Variants in GULP1 observed in about 807,000 individuals in gnomAD.
The protein encoded by GULP1 is PTB domain-containing engulfment adapter protein 1.
In GULP1, 19 loss-of-function variants were observed where a neutral mutation model predicts 40.9. The observed-to-expected ratio is 0.46, with a 90% CI of 0.32 to 0.68. The LOEUF is 0.68. Ranked by LOEUF, GULP1 falls within the 30% of genes least tolerant of loss-of-function variation. The pLI is 0.03. For missense variants in GULP1, 312 were observed against 362.2 expected (o/e 0.86, Z 1.12); for synonymous variants, 119 against 117.6 (o/e 1.01, Z -0.08).
chr2:188,490,791 C>T (rs1019995688), intron 4 of GULP1, among the ~76,000 whole-genome samples: 7 of 151,836 alleles, frequency 4.6e-5, no homozygotes, highest in African/African-American at 1.5e-4. Flanking sequence ...ATGTGTTTGG[C>T]CCTAGATGAA....
intron 2 of GULP1, among the ~76,000 whole-genome samples, chr2:188,428,242 A>T (rs2056451601): frequency 6.6e-6 from 1 of 152,176 alleles, no homozygotes; most frequent in South Asian, 2.1e-4. Flanking sequence ...TCCTAGGCAG[A>T]AGGGATTTAT....
rs1257996137 is a variant in GULP1 at position 188,527,219 on chromosome 2, T to C, written c.163-1878T>C. 2.6e-5 allele frequency among the ~76,000 whole-genome samples: 4 copies of C among 152,198 alleles called. No individual in the cohort carries two copies. The South Asian group carries it at 8.3e-4, about 31-fold the overall frequency. On this transcript the variant is annotated intron_variant, in intron 5 of 11. Coordinates refer to ENST00000409830, the MANE Select transcript of GULP1 (RefSeq NM_016315.4). ...TGTAGATGTTTCAGGGGGAAAAAAT[T>C]TAAAAGGTTGCACAGTTCTTGTCAG...
intron 1 of GULP1, among the ~76,000 whole-genome samples, chr2:188,371,082 C>G (rs2047543738): frequency 6.6e-6 from 1 of 152,146 alleles, no homozygotes; most frequent in South Asian, 2.1e-4. Context: ...GCTGTATTTA[C>G]AAATCAGCTG....
chr2:188,432,975 GA>G (rs2057037559), intron 2 of GULP1, among the ~76,000 whole-genome samples: 1 of 151,944 alleles, frequency 6.6e-6, no homozygotes, highest in South Asian at 2.1e-4. Flanking sequence ...GCTTACAAAA[GA>G]AAAAAATGTA....
intron 4 of GULP1, among the ~76,000 whole-genome samples, chr2:188,507,325 G>C (rs1181822208): frequency 6.6e-6 from 1 of 151,214 alleles, no homozygotes; most frequent in East Asian, 1.9e-4. Context: ...TCCTGGGTTT[G>C]TGCAGATGTT....
Position 188,364,113 on chromosome 2 carries a change from G to A in GULP1, c.-171-19650G>A, listed in dbSNP as rs190815175. On this transcript the variant is annotated intron_variant, in intron 1 of 11. Transcript: ENST00000409830. ...TCTGTGCTTCTCAGGAGAATCATTTGCTGTAGGTAAATAATTAAATAAATC... is the reference window on the plus strand; with the variant it reads ...TCTGTGCTTCTCAGGAGAATCATTTACTGTAGGTAAATAATTAAATAAATC... Among the ~76,000 whole-genome samples, 38 of 152,240 alleles carry A rather than the reference G, an allele frequency of 2.5e-4. 1 individual carries two copies. The highest frequency in any genetic ancestry group is 3.1e-4 in the Non-Finnish European group (21 of 68,006).
At chr2:188,435,877 C>A (rs1304512233) in intron 2 of GULP1, among the ~76,000 whole-genome samples, 1 of 152,078 alleles carries the variant, frequency 6.6e-6, no homozygotes, top group Non-Finnish European at 1.5e-5. Flanking sequence ...ATGGCTCTTT[C>A]CTTCTACAAG....
chr2:188,436,727 G>A (rs1272297889), intron 2 of GULP1, among the ~76,000 whole-genome samples: 1 of 151,926 alleles, frequency 6.6e-6, no homozygotes, highest in Non-Finnish European at 1.5e-5. Flanking sequence ...TATACATATA[G>A]TTTTAAATTG....
chr2:188,518,339 T>C (rs1454043377), intron 4 of GULP1, among the ~76,000 whole-genome samples: 1 of 152,130 alleles, frequency 6.6e-6, no homozygotes, highest in Non-Finnish European at 1.5e-5. Context: ...CCTAATTCCA[T>C]GGTAAGCTCT....
chr2:188,459,908 C>T (rs1051395074), intron 2 of GULP1, among the ~76,000 whole-genome samples: 1 of 151,996 alleles, frequency 6.6e-6, no homozygotes, highest in Non-Finnish European at 1.5e-5. Context: ...CTGTCTTTTT[C>T]CCAGTGTATG....
chr2:188,552,425 G>C (rs898052970), intron 7 of GULP1, among the ~76,000 whole-genome samples: 3 of 151,724 alleles, frequency 2.0e-5, no homozygotes, highest in Non-Finnish European at 3.0e-5. Context: ...TCTTTCTCCA[G>C]TGTAACTTCT....
chr2:188,456,667 T>C lies in GULP1; in HGVS notation c.-44-20992T>C, dbSNP rs182907841. ...AGGAAGGGAAATGTGGGGTGAGAGT[T>C]CCCACACAGAGTCCCTACTGGGGCA... On this transcript the variant is annotated intron_variant, in intron 2 of 11. Coordinates refer to ENST00000409830, the MANE Select transcript of GULP1 (RefSeq NM_016315.4). 9.9e-5 allele frequency among the ~76,000 whole-genome samples: 15 copies of C among 152,194 alleles called. No homozygotes were observed. In the East Asian group the frequency reaches 2.9e-3, roughly 29 times the overall value.
chr2:188,588,880 T>C (rs1702950835), intron 11 of GULP1: 3 of 152,136 alleles, frequency 2.0e-5, no homozygotes. Flanking sequence ...CTTTTACTCA[T>C]TTTTGACTGC....
At chr2:188,394,617 G>T (rs1023868467) in intron 2 of GULP1, among the ~76,000 whole-genome samples, 8 of 152,108 alleles carry the variant, frequency 5.3e-5, no homozygotes, top group Non-Finnish European at 1.0e-4. Context: ...TTGTCATATT[G>T]CCAGAATTAT....
chr2:188,383,997 T>A (rs940039493), intron 2 of GULP1, 108 bp downstream of exon 2: 15 of 152,184 alleles, frequency 9.9e-5, no homozygotes, highest in Non-Finnish European at 2.2e-4. Context: ...AGTCTTTTGT[T>A]GTAAAAAATA....
chr2:188,560,370 A>G (rs1163206365), intron 7 of GULP1, among the ~76,000 whole-genome samples: 1 of 152,198 alleles, frequency 6.6e-6, no homozygotes, highest in Non-Finnish European at 1.5e-5. Context: ...TTCATCATTT[A>G]TATCTCAGAC....
intron 8 of GULP1, 75 bp from the exon 9 acceptor site, chr2:188,569,953 C>T (rs919939382): frequency 1.6e-6 from 1 of 619,030 alleles, no homozygotes. Context: ...AATATAAATT[C>T]CTACTCATAA....
At chr2:188,473,155 T>C (rs1047790021) in intron 2 of GULP1, among the ~76,000 whole-genome samples, 47 of 120,916 alleles carry the variant, frequency 3.9e-4, no homozygotes, top group Non-Finnish European at 5.8e-4. Flanking sequence ...GGGTCTCTCT[T>C]TCTCTCTCTC....
rs142504290 is a variant in GULP1, at chr2:188,383,511, A to G, written c.-171-252A>G. ...AGAACTATCACCAGGCTTTAATAGT[A>G]ACATATCTGTGAGTTAAAACATTTA... On this transcript the variant is annotated intron_variant, in intron 1 of 11. Transcript: ENST00000409830. Among the ~76,000 whole-genome samples, 924 of 152,340 alleles carry G rather than the reference A, an allele frequency of 6.1e-3. 5 individuals are homozygous for G. Among genetic ancestry groups the G allele is most frequent in the Non-Finnish European group, 9.3e-3 (632 of 68,022 alleles).
Sources: gnomAD v4.1 joint callset for allele counts (sites outside exome capture counted in the v4.1 genomes callset) on GRCh38, gnomAD v4.1.1 for gene constraint, MANE v1.5 for transcripts, NCBI Gene and HGNC (gene_info 2026-07-23, HGNC 2026-07-21) for gene names.